Variants in SYN2 observed in about 807,000 individuals in gnomAD.
The protein encoded by SYN2 is synapsin-2.
SYN2 carries 19 observed loss-of-function variants against 50.9 expected under a neutral mutation model. The observed-to-expected ratio is 0.37, with a 90% CI of 0.26 to 0.55. The LOEUF (loss-of-function observed/expected upper bound fraction) is 0.55. Ranked by LOEUF, SYN2 falls within the 20% of genes least tolerant of loss-of-function variation. The pLI, the probability that SYN2 is intolerant of heterozygous loss-of-function variation, is 0.81. For synonymous variants in SYN2, 255 were observed against 224.9 expected (o/e 1.13, Z -1.20); for missense variants, 587 against 576.4 (o/e 1.02, Z -0.19).
chr3:12,173,527 T>C (rs1002513286), intron 10 of SYN2, among the ~76,000 whole-genome samples: 2 of 152,182 alleles, frequency 1.3e-5, no homozygotes, highest in African/African-American at 4.8e-5. Context: ...GGAAAGTTGT[T>C]TTAGCCACCG....
Position 12,062,273 on chromosome 3 carries a change from A to G in SYN2, c.377+57345A>G, listed in dbSNP as rs571085961. On this transcript the variant is annotated intron_variant, in intron 1 of 12. Transcript: ENST00000621198. ...AAAGGAGCAAAGAATTAAATGGGGA[A>G]AGGACAGTCTTTTCAACAAATTTAC... 7.9e-5 allele frequency among the ~76,000 whole-genome samples: 12 copies of G among 152,144 alleles called. No homozygotes were observed. The East Asian group carries it at 2.1e-3, about 27-fold the overall frequency.
chr3:12,084,003 TC>T (rs1695636801), intron 1 of SYN2, among the ~76,000 whole-genome samples: 1 of 152,166 alleles, frequency 6.6e-6, no homozygotes, highest in Non-Finnish European at 1.5e-5. Flanking sequence ...GACATGTCTC[TC>T]CCCATTCTTA....
chr3:12,165,536 A>T (rs1465759172), intron 7 of SYN2: 1 of 152,234 alleles, frequency 6.6e-6, no homozygotes, highest in African/African-American at 2.4e-5. Context: ...CCAAGGAAAC[A>T]TCGTGGGAAG....
intron 1 of SYN2, among the ~76,000 whole-genome samples, chr3:12,096,847 T>C (rs1029634988): frequency 2.0e-5 from 3 of 152,062 alleles, no homozygotes; most frequent in Admixed American, 1.3e-4. Flanking sequence ...GTTGAGATTA[T>C]ACAATCTGGG....
chr3:12,049,514 G>A (rs925908235), intron 1 of SYN2, among the ~76,000 whole-genome samples: 6 of 49,186 alleles, frequency 1.2e-4, no homozygotes, highest in Middle Eastern at 0.014. Flanking sequence ...GTGAGACTCC[G>A]TCTCAAAAAA....
chr3:12,028,870 CTTTAG>C (rs1471115721), intron 1 of SYN2, among the ~76,000 whole-genome samples: 2 of 126,012 alleles, frequency 1.6e-5, no homozygotes, highest in East Asian at 4.5e-4. Flanking sequence ...TGCAGAAGCT[CTTTAG>C]TTTAATTAGA....
intron 10 of SYN2, among the ~76,000 whole-genome samples, chr3:12,175,584 C>G (rs114906662): frequency 6.6e-6 from 1 of 152,256 alleles, no homozygotes; most frequent in East Asian, 1.9e-4. Flanking sequence ...CAGGACAGAC[C>G]TGTGGCTAGC....
intron 1 of SYN2, among the ~76,000 whole-genome samples, chr3:12,120,797 G>T (rs1696540244): frequency 1.3e-5 from 2 of 152,088 alleles, no homozygotes. Flanking sequence ...ATTTCCCAGT[G>T]TCTCCTTCAT....
chr3:12,121,911 G>A (rs1696569016), intron 1 of SYN2, among the ~76,000 whole-genome samples: 1 of 152,152 alleles, frequency 6.6e-6, no homozygotes, highest in African/African-American at 2.4e-5. Context: ...GTAAGACGGG[G>A]CAGCAGGCTG....
chr3:12,009,203 A>G (rs1229890696), intron 1 of SYN2, among the ~76,000 whole-genome samples: 1 of 152,226 alleles, frequency 6.6e-6, no homozygotes, highest in Non-Finnish European at 1.5e-5. Context: ...ATTAGAGCTG[A>G]AAGATCATCT....
At chr3:12,164,148 A>G (rs536957662) in intron 7 of SYN2, among the ~76,000 whole-genome samples, 7 of 152,354 alleles carry the variant, frequency 4.6e-5, no homozygotes, top group African/African-American at 1.7e-4. Context: ...GCAAAAAAAT[A>G]TATACCTTCA....
At chr3:12,099,967 A>AAAAAAAAG (rs541763490) in intron 1 of SYN2, among the ~76,000 whole-genome samples, 1,237 of 93,150 alleles carry the variant, frequency 0.013, 63 homozygotes, top group Middle Eastern at 0.029. Flanking sequence ...TCTGTCTCAA[A>AAAAAAAAG]AAAAAAAGAA....
chr3:12,106,955 G>T (rs1193883276), intron 1 of SYN2, among the ~76,000 whole-genome samples: 1 of 151,872 alleles, frequency 6.6e-6, no homozygotes, highest in Non-Finnish European at 1.5e-5. Flanking sequence ...ATAAAGAAAG[G>T]ATCACTAGAC....
chr3:12,173,563 C>T (rs1697984184), intron 10 of SYN2, among the ~76,000 whole-genome samples: 1 of 152,094 alleles, frequency 6.6e-6, no homozygotes, highest in Non-Finnish European at 1.5e-5. Flanking sequence ...ATTTTCTCTC[C>T]TATCCTCTCT....
chr3:12,183,207 G>A (rs1449781466), intron 10 of SYN2, 105 bp from the exon 11 acceptor site: 2 of 1,447,806 alleles, frequency 1.4e-6, no homozygotes, highest in African/African-American at 1.4e-5. Flanking sequence ...ATCCCACCAG[G>A]TCCCACCGGA....
intron 1 of SYN2, among the ~76,000 whole-genome samples, chr3:12,019,103 CGT>C (rs948291450): frequency 2.0e-5 from 3 of 152,134 alleles, no homozygotes; most frequent in African/African-American, 7.2e-5. Context: ...CAGATGTGAA[CGT>C]GTTTTCTGAA....
At chr3:12,104,001 A>T (rs1696127737) in intron 1 of SYN2, among the ~76,000 whole-genome samples, 1 of 152,250 alleles carries the variant, frequency 6.6e-6, no homozygotes, top group African/African-American at 2.4e-5. Flanking sequence ...AAGTGAAAAT[A>T]TCTAAACAAG....
At chr3:12,156,682 AAC>A (rs1697466248) in intron 5 of SYN2, 5 of 622,488 alleles carry the variant, frequency 8.0e-6, no homozygotes, top group Non-Finnish European at 1.4e-5. Context: ...GTCTGTCACT[AAC>A]ACAGCTCTGT....
intron 1 of SYN2, among the ~76,000 whole-genome samples, chr3:12,123,788 G>T (rs1308699167): frequency 6.6e-6 from 1 of 151,916 alleles, no homozygotes; most frequent in Non-Finnish European, 1.5e-5. Flanking sequence ...AGGCAAATGG[G>T]TCTTGATCTC....
Sources: gnomAD v4.1 joint callset for allele counts (sites outside exome capture counted in the v4.1 genomes callset) on GRCh38, gnomAD v4.1.1 for gene constraint, MANE v1.5 for transcripts, NCBI Gene and HGNC (gene_info 2026-07-23, HGNC 2026-07-21) for gene names.